CLASP1: variants seen among roughly 807,000 people sequenced by gnomAD.
The protein encoded by CLASP1 is CLIP-associating protein 1.
In CLASP1, 38 loss-of-function variants were observed where a neutral mutation model predicts 192.3. The ratio of observed to expected loss-of-function variants is 0.20; its 90% confidence interval spans 0.15 to 0.26. The LOEUF is 0.26. Among genes scored for constraint, CLASP1 ranks in the 10% least tolerant of loss-of-function variants. The pLI, the probability that CLASP1 is intolerant of heterozygous loss-of-function variation, is 1.00. For missense variants in CLASP1, 1,433 were observed against 1,932.5 expected (o/e 0.74, Z 4.85); for synonymous variants, 691 against 712.8 (o/e 0.97, Z 0.49).
chr2:121,591,158 G>A (rs562043302), intron 2 of CLASP1, among the ~76,000 whole-genome samples: 10 of 149,820 alleles, frequency 6.7e-5, no homozygotes, highest in African/African-American at 2.0e-4. Context: ...GAGCCACTGC[G>A]TCCGGCCAAA....
chr2:121,411,818 G>A (rs2077747616), intron 23 of CLASP1, among the ~76,000 whole-genome samples: 1 of 152,068 alleles, frequency 6.6e-6, no homozygotes, highest in Non-Finnish European at 1.5e-5. Context: ...AACTATACTA[G>A]GAGAAAGGCA....
At chr2:121,398,255 T>C in intron 29 of CLASP1, 67 bp downstream of exon 30, 1 of 1,203,644 alleles carries the variant, frequency 8.3e-7, no homozygotes, top group East Asian at 2.5e-5. Context: ...GGGTCATACA[T>C]AAACAAAAGT....
At chr2:121,514,672 C>T (rs1203186850) in intron 7 of CLASP1, among the ~76,000 whole-genome samples, 1 of 152,290 alleles carries the variant, frequency 6.6e-6, no homozygotes, top group East Asian at 1.9e-4. Flanking sequence ...CTTGTCTGCC[C>T]GTGGAGCCAC....
intron 1 of CLASP1, among the ~76,000 whole-genome samples, chr2:121,631,845 G>A (rs1038353404): frequency 3.1e-4 from 47 of 151,904 alleles, no homozygotes; most frequent in African/African-American, 8.7e-4. Flanking sequence ...TCAACAGTTC[G>A]AGACCAGCCT....
Position 121,469,927 on chromosome 2 carries a change from C to T in CLASP1, c.746G>A (p.Gly249Asp), listed in dbSNP as rs2090367660. 6.2e-7 allele frequency: 1 copy of T among 1,612,190 alleles called. No individual in the cohort carries two copies. Among genetic ancestry groups the T allele is most frequent in the South Asian group, 1.1e-5 (1 of 90,908 alleles). ...AGAACTAGCAGAGGAAGGTCTGTTACCATCCACAGAATCTTCATCGTCGAA... is the reference window on the plus strand; with the variant it reads ...AGAACTAGCAGAGGAAGGTCTGTTATCATCCACAGAATCTTCATCGTCGAA... Residue 249 changes from glycine (G) to aspartate (D), a missense_variant, in exon 9 of 40, where the codon GGT becomes GAT. Physicochemically the swap from Gly to Asp is moderately conservative, Grantham distance 94. Around this residue, in one of 8 missense-constraint regions of CLASP1, gnomAD observed 282 missense variants for 359.9 expected, o/e 0.78. Coordinates refer to ENST00000263710, the Ensembl canonical transcript of CLASP1.
At chr2:121,606,795 C>A (rs181690888) in intron 1 of CLASP1, among the ~76,000 whole-genome samples, 204 of 152,296 alleles carry the variant, frequency 1.3e-3, no homozygotes, top group African/African-American at 4.9e-3. Context: ...CAGTGGCTCA[C>A]GCCTGTAATC....
At chr2:121,440,084 T>TA (rs151325256) in intron 19 of CLASP1, among the ~76,000 whole-genome samples, 22,929 of 120,186 alleles carry the variant, frequency 0.19, 2,819 homozygotes, top group East Asian at 0.65. Context: ...AAAGTATAAT[T>TA]AAAAAAAAAA....
Position 121,503,158 on chromosome 2 carries a change from T to C in CLASP1, c.712+9A>G, listed in dbSNP as rs1438804227. 3.3e-6 allele frequency: 5 copies of C among 1,537,438 alleles called. No individual in the cohort carries two copies. The highest frequency in any genetic ancestry group is 4.4e-6 in the Non-Finnish European group (5 of 1,135,142). ...AAAAGCAAAAGTAGGGATTGCTTTTTCTACTCACCATTTGCAGATTGTATC... is the reference window on the plus strand; with the variant it reads ...AAAAGCAAAAGTAGGGATTGCTTTTCCTACTCACCATTTGCAGATTGTATC... On this transcript the variant is annotated intron_variant, in intron 8 of 39. Coordinates refer to ENST00000263710, the Ensembl canonical transcript of CLASP1.
intron 6 of CLASP1, 47 bp from the exon 7 acceptor site, chr2:121,515,809 A>C: frequency 6.5e-7 from 1 of 1,541,132 alleles, no homozygotes; most frequent in Non-Finnish European, 9.0e-7. Context: ...GTCATCCCCC[A>C]GCAAGTCCTG....
chr2:121,571,465 G>A (rs141621398), intron 2 of CLASP1, among the ~76,000 whole-genome samples: 30 of 152,248 alleles, frequency 2.0e-4, no homozygotes, highest in Admixed American at 9.2e-4. Flanking sequence ...TGCAAGCAAC[G>A]GGTTCAGACA....
chr2:121,548,771 TAA>T (rs79795002), intron 2 of CLASP1, among the ~76,000 whole-genome samples: 3 of 136,474 alleles, frequency 2.2e-5, no homozygotes, highest in African/African-American at 5.4e-5. Context: ...CATTCTTAAA[TAA>T]AAAAAAAAAA....
At chr2:121,586,457 A>G (rs942461431) in intron 2 of CLASP1, among the ~76,000 whole-genome samples, 1 of 152,168 alleles carries the variant, frequency 6.6e-6, no homozygotes, top group Non-Finnish European at 1.5e-5. Flanking sequence ...AAAAATTTTA[A>G]ATCCTAGATG....
At chr2:121,586,241 C>T (rs1430979113) in intron 2 of CLASP1, among the ~76,000 whole-genome samples, 2 of 152,128 alleles carry the variant, frequency 1.3e-5, no homozygotes, top group Admixed American at 6.5e-5. Flanking sequence ...ATTCTCCTGC[C>T]TCAGCCACCC....
intron 7 of CLASP1, among the ~76,000 whole-genome samples, chr2:121,509,309 A>C (rs957598479): frequency 1.6e-4 from 24 of 152,124 alleles, no homozygotes; most frequent in African/African-American, 5.8e-4. Flanking sequence ...TCATGTAGCT[A>C]GGACCACAGG....
intron 2 of CLASP1, among the ~76,000 whole-genome samples, chr2:121,593,417 C>T (rs943979487): frequency 1.3e-5 from 2 of 151,800 alleles, no homozygotes; most frequent in Admixed American, 1.3e-4. Context: ...GTCAGGAGTT[C>T]GAGACCAGCC....
intron 1 of CLASP1, among the ~76,000 whole-genome samples, chr2:121,630,381 AACACACACACACACACACAC>A (rs60827939): frequency 3.6e-4 from 50 of 139,066 alleles, no homozygotes; most frequent in Middle Eastern, 3.6e-3. Context: ...ATTGGAAAGA[AACACACACACACACACACAC>A]ACACACACAC....
chr2:121,498,795 G>A (rs1050715759), intron 8 of CLASP1, among the ~76,000 whole-genome samples: 7 of 152,006 alleles, frequency 4.6e-5, no homozygotes. Context: ...GTATTTAAAG[G>A]GCTAATAAGC....
chr2:121,490,216 T>C, intron 8 of CLASP1: 3 of 417,198 alleles, frequency 7.2e-6, no homozygotes, highest in South Asian at 5.3e-5. Flanking sequence ...TTTAAGCATT[T>C]CCTAGCCAAG....
rs2104741424 is a variant in CLASP1, at chr2:121,530,125, G to A, written c.274+122C>T. On this transcript the variant is annotated intron_variant, in intron 3 of 39. Coordinates refer to ENST00000263710, the Ensembl canonical transcript of CLASP1. ...ACTGGCTGTTTGGGAGGAGCGGAAGGGAGGGAGAGGGGGCTGGAGGGGAGG... is the reference window on the plus strand; with the variant it reads ...ACTGGCTGTTTGGGAGGAGCGGAAGAGAGGGAGAGGGGGCTGGAGGGGAGG... 4 of 771,320 alleles carry A rather than the reference G, an allele frequency of 5.2e-6. No homozygotes were observed. The East Asian group carries it at 1.1e-4, about 22-fold the overall frequency. 47.8% of individuals were successfully genotyped at this position (771,320 alleles called of 1,614,324 possible). A position where few individuals can be genotyped will look rare whatever the true frequency, so the allele number is the denominator to read the frequency against.
Sources: allele counts gnomAD v4.1 joint callset (sites outside exome capture counted in the v4.1 genomes callset), GRCh38; gene constraint gnomAD v4.1.1; regional missense constraint gnomAD v4.1.1; transcripts MANE v1.5; gene names NCBI Gene and HGNC (gene_info 2026-07-23, HGNC 2026-07-21).